Variants in TANC2 observed in about 807,000 individuals in gnomAD.
TANC2 encodes the protein tetratricopeptide repeat, ankyrin repeat and coiled-coil containing 2.
In TANC2, 26 loss-of-function variants were observed where a neutral mutation model predicts 210.5. That is an observed-to-expected ratio of 0.12 (90% CI 0.09 to 0.17). TANC2 has a LOEUF of 0.17. Among genes scored for constraint, TANC2 ranks in the 10% least tolerant of loss-of-function variants. The pLI, the probability that TANC2 is intolerant of heterozygous loss-of-function variation, is 1.00. For synonymous variants in TANC2, 931 were observed against 967.1 expected (o/e 0.96, Z 0.69); for missense variants, 2,129 against 2,608.9 (o/e 0.82, Z 4.01).
At chr17:63,200,528 G>A (rs1444917525) in intron 6 of TANC2, among the ~76,000 whole-genome samples, 2 of 152,058 alleles carry the variant, frequency 1.3e-5, no homozygotes, top group African/African-American at 4.8e-5. Flanking sequence ...TAGGGTACTT[G>A]TCACTGGAAA....
At chr17:63,106,822 C>A (rs1481156804) in intron 4 of TANC2, among the ~76,000 whole-genome samples, 1 of 151,356 alleles carries the variant, frequency 6.6e-6, no homozygotes, top group Non-Finnish European at 1.5e-5. Flanking sequence ...AGTTTTTTTT[C>A]TTTTCATATT....
intron 8 of TANC2, among the ~76,000 whole-genome samples, chr17:63,248,945 A>T (rs1364254108): frequency 1.3e-5 from 2 of 152,282 alleles, no homozygotes; most frequent in Admixed American, 6.5e-5. Context: ...GAAAATTTTT[A>T]AAATCGTGTA....
At chr17:63,277,780 T>C (rs1416380582) in intron 9 of TANC2, among the ~76,000 whole-genome samples, 1 of 151,248 alleles carries the variant, frequency 6.6e-6, no homozygotes. Context: ...CAATGCTTAA[T>C]GAATTTTATT....
chr17:63,373,191 T>C (rs367951749), intron 14 of TANC2, among the ~76,000 whole-genome samples: 3 of 152,108 alleles, frequency 2.0e-5, no homozygotes, highest in Non-Finnish European at 2.9e-5. Flanking sequence ...CCACTGTGCC[T>C]TGGCCTCATC....
intron 8 of TANC2, among the ~76,000 whole-genome samples, chr17:63,260,684 C>T (rs2043329428): frequency 6.6e-6 from 1 of 151,910 alleles, no homozygotes; most frequent in African/African-American, 2.4e-5. Context: ...ATCGCTTGAA[C>T]CTGGGAAGCA....
At position 63,079,515 on chromosome 17, in the gene TANC2, A is replaced by C. The variant is rs545925665; in HGVS notation, c.139+5501A>C. On this transcript the variant is annotated intron_variant, in intron 3 of 27. Coordinates refer to ENST00000689528, the Ensembl canonical transcript of TANC2. The stretch of plus-strand genomic sequence containing the variant: ...GGCATAGTGTGCTTACTTCATCTTA[A>C]CCTTCTGTTTTATTACAATATAGAT... 2.3e-4 allele frequency among the ~76,000 whole-genome samples: 35 copies of C among 152,198 alleles called. 1 individual carries two copies. In the South Asian group the frequency reaches 5.0e-3, roughly 22 times the overall value.
intron 2 of TANC2, among the ~76,000 whole-genome samples, chr17:63,071,168 T>A (rs1447201757): frequency 6.6e-6 from 1 of 152,210 alleles, no homozygotes; most frequent in Non-Finnish European, 1.5e-5. Context: ...GTAAAGCATG[T>A]ATACCTAAGC....
intron 8 of TANC2, among the ~76,000 whole-genome samples, chr17:63,266,560 A>G (rs2043535202): frequency 6.6e-6 from 1 of 152,116 alleles, no homozygotes. Flanking sequence ...CTTAGTTTAT[A>G]TTGAAGAGCT....
chr17:63,072,962 A>G (rs1175780268), intron 2 of TANC2, among the ~76,000 whole-genome samples: 5 of 152,132 alleles, frequency 3.3e-5, no homozygotes, highest in Non-Finnish European at 5.9e-5. Context: ...ACAATAAACC[A>G]TAGAATAAGT....
intron 1 of TANC2, among the ~76,000 whole-genome samples, chr17:62,999,159 G>T (rs890521412): frequency 6.6e-6 from 1 of 152,154 alleles, no homozygotes. Flanking sequence ...TAGTGAGTCA[G>T]CTCTTGAGAG....
intron 1 of TANC2, among the ~76,000 whole-genome samples, chr17:62,990,589 T>A (rs183928610): frequency 6.6e-6 from 1 of 152,288 alleles, no homozygotes; most frequent in Non-Finnish European, 1.5e-5. Context: ...CTACCATGAT[T>A]TTTATTTTTT....
Position 63,412,823 on chromosome 17 carries a change from T to A in TANC2, c.3928+114T>A, listed in dbSNP as rs1416849723. 1.5e-6 allele frequency: 2 copies of A among 1,300,414 alleles called. No homozygotes were observed. The highest frequency in any genetic ancestry group is 2.1e-6 in the Non-Finnish European group (2 of 967,380). 80.6% of individuals were successfully genotyped at this position (1,300,414 alleles called of 1,614,324 possible). On this transcript the variant is annotated intron_variant, in intron 24 of 27. Transcript: ENST00000689528. The surrounding 1 kb of genome is among the most constrained non-coding windows in gnomAD (Gnocchi z 4.2). ...CTACACCTCTAATCTTTTAATTTAC[T>A]TCACCTTAAAAGAAGATTTTTTTTA...
At chr17:63,141,889 G>A (rs538663159) in intron 4 of TANC2, among the ~76,000 whole-genome samples, 24 of 152,250 alleles carry the variant, frequency 1.6e-4, no homozygotes, top group African/African-American at 5.3e-4. Flanking sequence ...GAAAACTACC[G>A]TCTATAGATG....
At chr17:63,290,503 G>T (rs2044352527) in intron 9 of TANC2, among the ~76,000 whole-genome samples, 1 of 152,142 alleles carries the variant, frequency 6.6e-6, no homozygotes, top group Non-Finnish European at 1.5e-5. Flanking sequence ...CTCCTTACAT[G>T]TGAAACTGGA....
intron 4 of TANC2, among the ~76,000 whole-genome samples, chr17:63,111,018 A>AT (rs2038020438): frequency 6.6e-6 from 1 of 152,158 alleles, no homozygotes; most frequent in Non-Finnish European, 1.5e-5. Flanking sequence ...GTATGGATTA[A>AT]GTAAGATATC....
At chr17:63,071,598 G>C (rs941275064) in intron 2 of TANC2, among the ~76,000 whole-genome samples, 1 of 152,130 alleles carries the variant, frequency 6.6e-6, no homozygotes, top group Non-Finnish European at 1.5e-5. Flanking sequence ...GTCAAGAGAA[G>C]CTCTCTTTTA....
At chr17:63,005,451 A>G (rs2033577662) in intron 1 of TANC2, among the ~76,000 whole-genome samples, 1 of 151,446 alleles carries the variant, frequency 6.6e-6, no homozygotes, top group African/African-American at 2.4e-5. Flanking sequence ...TGTGTGCTTT[A>G]GAATCAGCTT....
chr17:63,074,310 A>T (rs1215980579), intron 3 of TANC2, among the ~76,000 whole-genome samples: 2 of 152,130 alleles, frequency 1.3e-5, no homozygotes, highest in African/African-American at 2.4e-5. Flanking sequence ...TGAATTTTCA[A>T]CACCAACATT....
intron 9 of TANC2, among the ~76,000 whole-genome samples, chr17:63,299,320 T>G (rs1040885554): frequency 1.1e-4 from 16 of 152,210 alleles, no homozygotes; most frequent in African/African-American, 3.1e-4. Context: ...ATGGTATTTT[T>G]GGGTCTAGAT....
Sources: gnomAD v4.1 joint callset for allele counts (sites outside exome capture counted in the v4.1 genomes callset) on GRCh38, gnomAD v4.1.1 for gene constraint, Gnocchi (gnomAD v3.1) non-coding constraint, MANE v1.5 for transcripts, NCBI Gene and HGNC (gene_info 2026-07-23, HGNC 2026-07-21) for gene names.